The following GAREM1 variants were observed in gnomAD, a reference collection of about 807,000 sequenced individuals.
GAREM1 encodes GRB2 associated regulator of MAPK1 subtype 1, also known as GRB2-associated and regulator of MAPK protein 1.
A neutral mutation model predicts 71.3 loss-of-function variants in GAREM1; 26 were observed. The ratio of observed to expected loss-of-function variants is 0.36; its 90% confidence interval spans 0.27 to 0.51. The LOEUF (loss-of-function observed/expected upper bound fraction) is 0.51, where lower values mean the gene tolerates loss of function less well. GAREM1 is among the 20% of genes least tolerant of loss of function. The probability of loss-of-function intolerance (pLI) is 0.95; values close to 1 mark genes in which losing one functional copy is unlikely to be tolerated. For missense variants in GAREM1, 1,026 were observed against 1,103.1 expected, an observed-to-expected ratio of 0.93 and a Z score of 0.99; for synonymous variants, 440 against 433.2, an observed-to-expected ratio of 1.02 and a Z score of -0.20.
At chr18:32,340,923 T>C (rs1056606149) in intron 2 of GAREM1, among the ~76,000 whole-genome samples, 3 of 152,096 alleles carry the variant, frequency 2.0e-5, no homozygotes, top group South Asian at 2.1e-4. Flanking sequence ...CTTGCTTGGG[T>C]TTCTCTGTGC....
At position 32,358,636 on chromosome 18, in the gene GAREM1, G is replaced by A. The variant is rs559999866; in HGVS notation, c.262+34259C>T. On this transcript the variant is annotated intron_variant, in intron 2 of 5. Coordinates refer to ENST00000269209, the MANE Select transcript of GAREM1 (RefSeq NM_001242409.2). The stretch of plus-strand genomic sequence containing the variant: ...TAAAAGGACACAGAATTAACCCATA[G>A]AAGCCACCGTAACAACTTTCTACGG... Among the ~76,000 whole-genome samples, 6 of 152,222 alleles carry A rather than the reference G, an allele frequency of 3.9e-5. No individual in the cohort carries two copies. In the South Asian group the frequency reaches 1.2e-3, roughly 32 times the overall value.
At chr18:32,448,652 T>C (rs2048805601) in intron 1 of GAREM1, among the ~76,000 whole-genome samples, 1 of 113,414 alleles carries the variant, frequency 8.8e-6, no homozygotes, top group African/African-American at 3.7e-5. Flanking sequence ...CATATGTGTT[T>C]ATATATATAC....
chr18:32,335,701 C>T (rs1463447418), intron 2 of GAREM1, among the ~76,000 whole-genome samples: 1 of 152,176 alleles, frequency 6.6e-6, no homozygotes, highest in Non-Finnish European at 1.5e-5. Flanking sequence ...TAGATAACTC[C>T]ACTGCTTTCT....
intron 2 of GAREM1, among the ~76,000 whole-genome samples, chr18:32,326,720 CTCTTGCTCCCATCTCCCA>C (rs1373610970): frequency 3.9e-5 from 6 of 152,216 alleles, no homozygotes; most frequent in African/African-American, 9.6e-5. Context: ...AATGCCCCTG[CTCTTGCTCCCATCTCCCA>C]ATACTTCATT....
At chr18:32,281,537 G>A (rs1051894102) in intron 4 of GAREM1, among the ~76,000 whole-genome samples, 26 of 152,144 alleles carry the variant, frequency 1.7e-4, no homozygotes, top group African/African-American at 5.8e-4. Context: ...CTAACACAAA[G>A]GTTCACAAAT....
intron 2 of GAREM1, among the ~76,000 whole-genome samples, chr18:32,358,996 C>A (rs909695996): frequency 2.6e-5 from 4 of 152,194 alleles, no homozygotes; most frequent in African/African-American, 9.7e-5. Flanking sequence ...TGAACCCACA[C>A]CTCACTGGAA....
At chr18:32,405,424 C>T (rs929157897) in intron 1 of GAREM1, among the ~76,000 whole-genome samples, 1 of 152,246 alleles carries the variant, frequency 6.6e-6, no homozygotes, top group African/African-American at 2.4e-5. Flanking sequence ...TCTCAAACTC[C>T]TGACCTCAAC....
intron 2 of GAREM1, among the ~76,000 whole-genome samples, chr18:32,362,873 CTG>C (rs1354365555): frequency 1.4e-4 from 22 of 152,336 alleles, no homozygotes; most frequent in African/African-American, 5.0e-4. Context: ...CTTTGCAAAA[CTG>C]TAAATTTGCA....
At chr18:32,453,689 C>T (rs2048862737) in intron 1 of GAREM1, among the ~76,000 whole-genome samples, 1 of 152,168 alleles carries the variant, frequency 6.6e-6, no homozygotes, top group African/African-American at 2.4e-5. Flanking sequence ...CTGTTAATTA[C>T]ATTTGCAGAG....
rs181372791 is a variant in GAREM1, at chr18:32,378,680, T to C, written c.262+14215A>G. Among the ~76,000 whole-genome samples, 42 of 152,132 alleles carry C rather than the reference T, an allele frequency of 2.8e-4. No homozygotes were observed. In the East Asian group the frequency reaches 5.4e-3, roughly 20 times the overall value. ...GGTTAAAAATACTACCTAATAATAC[T>C]GGCTGACAAGAGGGTTAAAGGTAAA... On this transcript the variant is annotated intron_variant, in intron 2 of 5. Coordinates refer to ENST00000269209, the MANE Select transcript of GAREM1 (RefSeq NM_001242409.2).
intron 1 of GAREM1, among the ~76,000 whole-genome samples, chr18:32,450,812 C>A (rs540986442): frequency 6.6e-6 from 1 of 152,184 alleles, no homozygotes; most frequent in South Asian, 2.1e-4. Context: ...AAGAGGGATA[C>A]AAGGTGCATC....
rs900877727 is a variant in GAREM1 at position 32,388,299 on chromosome 18, C to T, written c.262+4596G>A. On this transcript the variant is annotated intron_variant, in intron 2 of 5. Coordinates refer to ENST00000269209, the MANE Select transcript of GAREM1 (RefSeq NM_001242409.2). ...AATGCTTTTCCTTACAGGAGAATGA[C>T]GGCTAACAAATACAAGAAGGAATGG... 3.3e-5 allele frequency among the ~76,000 whole-genome samples: 5 copies of T among 151,966 alleles called. No homozygotes were observed. The East Asian group carries it at 7.7e-4, about 23-fold the overall frequency.
chr18:32,467,417 C>T (rs1248547068), intron 1 of GAREM1, among the ~76,000 whole-genome samples: 2 of 152,198 alleles, frequency 1.3e-5, no homozygotes, highest in Non-Finnish European at 2.9e-5. Context: ...AGAGGTCAGT[C>T]TTCAGAGTCA....
At chr18:32,426,274 C>A (rs181258178) in intron 1 of GAREM1, among the ~76,000 whole-genome samples, 6 of 152,328 alleles carry the variant, frequency 3.9e-5, no homozygotes, top group African/African-American at 1.4e-4. Flanking sequence ...CCGCCTCAGC[C>A]TCCCAAAGTG....
chr18:32,287,463 C>T lies in GAREM1; in HGVS notation c.1134G>A (p.Glu378=), dbSNP rs775402265. The change falls in exon 4 of 6, where the codon GAG becomes GAA. Residue 378 remains glutamate, a synonymous_variant. Transcript: ENST00000269209. This position sits in a 1 kb window ranked among gnomAD's most constrained non-coding sequence, Gnocchi z 5.9. The part of the protein sequence containing the change: ...VPNSLSYARD[E]LTQSFHRLSV... ...AGAGTCGGTGGAAGGACTGGGTGAG[C>T]TCATCGCGGGCGTAGCTGAGCGAAT... 30 of 1,614,064 alleles carry T rather than the reference C, an allele frequency of 1.9e-5. No homozygotes were observed. The South Asian group carries it at 3.0e-4, about 16-fold the overall frequency.
intron 2 of GAREM1, among the ~76,000 whole-genome samples, chr18:32,337,371 G>A (rs936273680): frequency 2.0e-5 from 3 of 152,182 alleles, no homozygotes; most frequent in Non-Finnish European, 2.9e-5. Context: ...ACAATTCTTT[G>A]AAAAGTTACA....
rs577319975 is a variant in GAREM1 at position 32,451,934 on chromosome 18, T to C, written c.121+18374A>G. 1.4e-4 allele frequency among the ~76,000 whole-genome samples: 22 copies of C among 152,352 alleles called. No homozygotes were observed. In the South Asian group the frequency reaches 4.1e-3, roughly 29 times the overall value. ...CCAGCTGCAGAATGTTGCTTGATAC[T>C]AGCATTTAGTAAAATACTGAAATCG... is the stretch of plus-strand genomic sequence containing the variant. On this transcript the variant is annotated intron_variant, in intron 1 of 5. Transcript: ENST00000269209.
intron 1 of GAREM1, among the ~76,000 whole-genome samples, chr18:32,450,632 C>T (rs981418881): frequency 5.9e-5 from 9 of 152,208 alleles, no homozygotes; most frequent in African/African-American, 1.2e-4. Context: ...GACTCCTGAA[C>T]TGAATTTCCT....
chr18:32,437,801 A>G (rs140867734), intron 1 of GAREM1, among the ~76,000 whole-genome samples: 6 of 152,334 alleles, frequency 3.9e-5, no homozygotes, highest in Admixed American at 6.5e-5. Context: ...AATAGCAAAT[A>G]TAAGTTTTAA....
Sources: allele counts gnomAD v4.1 joint callset (sites outside exome capture counted in the v4.1 genomes callset), GRCh38; gene constraint gnomAD v4.1.1; non-coding constraint Gnocchi (gnomAD v3.1); transcripts MANE v1.5; gene names NCBI Gene and HGNC (gene_info 2026-07-23, HGNC 2026-07-21).